Variants in GPATCH2 observed in about 807,000 individuals in gnomAD.
GPATCH2 encodes the protein G-patch domain containing 2.
Under a neutral mutation model 58.0 loss-of-function variants are expected in GPATCH2, and 51 were observed. The ratio of observed to expected loss-of-function variants is 0.88; its 90% confidence interval spans 0.70 to 1.11. GPATCH2 has a LOEUF of 1.11. GPATCH2 is among the 50% of genes most tolerant of loss of function. GPATCH2 has a pLI of 0.00. For missense variants in GPATCH2, 625 were observed against 652.2 expected, an observed-to-expected ratio of 0.96 and a Z score of 0.45; for synonymous variants, 222 against 218.5, an observed-to-expected ratio of 1.02 and a Z score of -0.14.
chr1:217,557,401 C>A (rs1316828140), intron 5 of GPATCH2, among the ~76,000 whole-genome samples: 2 of 143,216 alleles, frequency 1.4e-5, no homozygotes. Context: ...AAGAGTGAAA[C>A]CCCATCTCAA....
chr1:217,537,790 C>G (rs1664548243), intron 5 of GPATCH2, among the ~76,000 whole-genome samples: 1 of 152,140 alleles, frequency 6.6e-6, no homozygotes. Flanking sequence ...ATAATTCTAA[C>G]AATTTCAAAT....
chr1:217,461,020 T>C (rs1660175940), intron 8 of GPATCH2, among the ~76,000 whole-genome samples: 2 of 152,212 alleles, frequency 1.3e-5, no homozygotes. Flanking sequence ...CAAAGTAATA[T>C]GGTAATGATA....
chr1:217,625,439 A>G (rs979709620), intron 1 of GPATCH2, among the ~76,000 whole-genome samples: 2 of 152,198 alleles, frequency 1.3e-5, no homozygotes, highest in Non-Finnish European at 1.5e-5. Flanking sequence ...ATATATTAAT[A>G]TAAGTGGGAA....
At chr1:217,510,103 A>T (rs1487419956) in intron 6 of GPATCH2, among the ~76,000 whole-genome samples, 1 of 152,188 alleles carries the variant, frequency 6.6e-6, no homozygotes, top group Non-Finnish European at 1.5e-5. Context: ...CTTTTTCCTG[A>T]AAGCATGCTA....
intron 5 of GPATCH2, among the ~76,000 whole-genome samples, chr1:217,561,979 C>G (rs1445211607): frequency 2.0e-5 from 3 of 152,170 alleles, no homozygotes; most frequent in African/African-American, 7.2e-5. Flanking sequence ...GAATATCTCT[C>G]TTCAATCAGG....
chr1:217,520,670 T>C (rs1324283034), intron 5 of GPATCH2, among the ~76,000 whole-genome samples: 1 of 152,188 alleles, frequency 6.6e-6, no homozygotes, highest in Non-Finnish European at 1.5e-5. Context: ...TTTGTTATGC[T>C]TTTACAATGC....
intron 5 of GPATCH2, among the ~76,000 whole-genome samples, chr1:217,585,492 C>A (rs540498556): frequency 1.3e-5 from 2 of 152,148 alleles, no homozygotes; most frequent in South Asian, 4.2e-4. Flanking sequence ...TGGTGGCACA[C>A]TCCTGTAGTT....
intron 5 of GPATCH2, among the ~76,000 whole-genome samples, chr1:217,604,310 C>T (rs1039951010): frequency 6.7e-6 from 1 of 149,862 alleles, no homozygotes; most frequent in African/African-American, 2.5e-5. Context: ...AAGATCACAC[C>T]ACTGCACTCC....
intron 9 of GPATCH2, among the ~76,000 whole-genome samples, chr1:217,446,412 C>T (rs1659389511): frequency 6.6e-6 from 1 of 152,010 alleles, no homozygotes. Context: ...AGGATTCATG[C>T]CCTCATTATC....
intron 5 of GPATCH2, among the ~76,000 whole-genome samples, chr1:217,602,420 A>C (rs1267604404): frequency 6.6e-6 from 1 of 152,136 alleles, no homozygotes; most frequent in Non-Finnish European, 1.5e-5. Flanking sequence ...TCAAAGTCTC[A>C]GCTAAAAAGA....
intron 5 of GPATCH2, among the ~76,000 whole-genome samples, chr1:217,553,885 A>G (rs1177681211): frequency 6.6e-6 from 1 of 152,252 alleles, no homozygotes; most frequent in Non-Finnish European, 1.5e-5. Flanking sequence ...TTGAACAACC[A>G]AGAGAGAACC....
chr1:217,491,937 T>G (rs1661763354), intron 7 of GPATCH2, among the ~76,000 whole-genome samples, 187 bp from the exon 8 acceptor site: 3 of 151,888 alleles, frequency 2.0e-5, no homozygotes, highest in Admixed American at 2.0e-4. Flanking sequence ...GTTCAATAGT[T>G]CAGGGAGACA....
chr1:217,515,570 T>C (rs938112151), intron 5 of GPATCH2, among the ~76,000 whole-genome samples: 5 of 152,014 alleles, frequency 3.3e-5, no homozygotes, highest in Admixed American at 6.6e-5. Flanking sequence ...TAGCCGGGCA[T>C]GGTGGCACAC....
chr1:217,557,561 CA>C (rs1471306807), intron 5 of GPATCH2, among the ~76,000 whole-genome samples: 1 of 152,092 alleles, frequency 6.6e-6, no homozygotes, highest in Non-Finnish European at 1.5e-5. Flanking sequence ...TGTTGTAGCA[CA>C]TTTCTGTATT....
At chr1:217,610,740 T>C in intron 4 of GPATCH2, 149 bp downstream of exon 4, 1 of 578,878 alleles carries the variant, frequency 1.7e-6, no homozygotes, top group Non-Finnish European at 3.0e-6. Flanking sequence ...GCATGATAAA[T>C]GTAGTAGCTA....
intron 5 of GPATCH2, among the ~76,000 whole-genome samples, chr1:217,522,504 A>C (rs1004539134): frequency 2.6e-5 from 4 of 152,186 alleles, no homozygotes; most frequent in Non-Finnish European, 5.9e-5. Flanking sequence ...AGGCTTCTTA[A>C]ATCCCTCATT....
intron 8 of GPATCH2, among the ~76,000 whole-genome samples, chr1:217,455,646 G>A (rs2102479515): frequency 6.6e-6 from 1 of 152,248 alleles, no homozygotes; most frequent in Non-Finnish European, 1.5e-5. Context: ...TGTGCCTAGT[G>A]TGAGTGAGCC....
rs117752770 is a variant in GPATCH2, at chr1:217,542,673, A to G, written c.1099-27784T>C. ...ATTTTAGTTCTCTAAGCCAATAAAC[A>G]TCTATTTCCTTTTAAAAATGTCTCA... On this transcript the variant is annotated intron_variant, in intron 5 of 9. Transcript: ENST00000366935. 5.6e-4 allele frequency among the ~76,000 whole-genome samples: 85 copies of G among 152,294 alleles called. 1 individual carries two copies. In the East Asian group the frequency reaches 0.015, roughly 26 times the overall value.
At chr1:217,606,211 T>C (rs912406520) in intron 5 of GPATCH2, among the ~76,000 whole-genome samples, 1 of 151,052 alleles carries the variant, frequency 6.6e-6, no homozygotes, top group Non-Finnish European at 1.5e-5. Context: ...AAGCTATTCA[T>C]TTAGCTTAAA....
Sources: gnomAD v4.1 joint callset for allele counts (sites outside exome capture counted in the v4.1 genomes callset) on GRCh38, gnomAD v4.1.1 for gene constraint, MANE v1.5 for transcripts, NCBI Gene and HGNC (gene_info 2026-07-23, HGNC 2026-07-21) for gene names.